ZNF804A: variants seen among roughly 807,000 people sequenced by gnomAD.
ZNF804A encodes zinc finger protein 804A.
ZNF804A carries 2 observed loss-of-function variants against 16.5 expected under a neutral mutation model. The observed-to-expected ratio is 0.12, with a 90% CI of 0.05 to 0.38. ZNF804A has a LOEUF of 0.38. Among genes scored for constraint, ZNF804A ranks in the 10% least tolerant of loss-of-function variants. The probability of loss-of-function intolerance (pLI) is 0.99; values close to 1 mark genes in which losing one functional copy is unlikely to be tolerated. For missense variants in ZNF804A, 1,473 were observed against 1,390.7 expected, an observed-to-expected ratio of 1.06 and a Z score of -0.94; for synonymous variants, 534 against 489.6, an observed-to-expected ratio of 1.09 and a Z score of -1.20.
chr2:184,677,590 A>C (rs1055775425), intron 1 of ZNF804A, among the ~76,000 whole-genome samples: 1 of 152,040 alleles, frequency 6.6e-6, no homozygotes, highest in African/African-American at 2.4e-5. Flanking sequence ...TGACTCATAT[A>C]ATTTATAACA....
intron 1 of ZNF804A, among the ~76,000 whole-genome samples, chr2:184,828,189 C>T (rs1271006878): frequency 1.3e-5 from 2 of 151,522 alleles, no homozygotes; most frequent in African/African-American, 2.4e-5. Flanking sequence ...TTTTATGTTC[C>T]CTTTTCAAAA....
chr2:184,795,850 C>T (rs577566894), intron 1 of ZNF804A, among the ~76,000 whole-genome samples: 1 of 152,270 alleles, frequency 6.6e-6, no homozygotes, highest in East Asian at 1.9e-4. Flanking sequence ...TGGAAAGATA[C>T]AGCCCTCCTA....
chr2:184,716,285 C>G (rs1001535406), intron 1 of ZNF804A, among the ~76,000 whole-genome samples: 4 of 152,010 alleles, frequency 2.6e-5, no homozygotes, highest in African/African-American at 9.7e-5. Context: ...CCAGTACTTT[C>G]ACATTTTTGT....
Position 184,863,654 on chromosome 2 carries a change from G to C in ZNF804A, c.112-2715G>C, listed in dbSNP as rs190786685. Among the ~76,000 whole-genome samples the C allele has an allele frequency of 3.3e-4, 50 of 152,074 alleles. 1 individual carries two copies. The highest frequency in any genetic ancestry group is 1.6e-3 in the Admixed American group (25 of 15,276). On this transcript the variant is annotated intron_variant, in intron 1 of 3. Transcript: ENST00000302277. ...TATAATGAATGGGGAAAATCAACTAGTTTACCATGAAATTTCTGTTGGTTT... is the reference window on the plus strand; with the variant it reads ...TATAATGAATGGGGAAAATCAACTACTTTACCATGAAATTTCTGTTGGTTT...
chr2:184,830,916 G>C (rs909172621), intron 1 of ZNF804A, among the ~76,000 whole-genome samples: 2 of 152,144 alleles, frequency 1.3e-5, no homozygotes, highest in South Asian at 4.1e-4. Flanking sequence ...CAATAAAATA[G>C]AAATTTTCTT....
chr2:184,609,464 A>G (rs1328255117), intron 1 of ZNF804A, among the ~76,000 whole-genome samples: 2 of 152,208 alleles, frequency 1.3e-5, no homozygotes, highest in Non-Finnish European at 2.9e-5. Flanking sequence ...ATTAGCAACA[A>G]TTTAAAAATT....
At chr2:184,918,900 T>C (rs1685491834) in intron 2 of ZNF804A, among the ~76,000 whole-genome samples, 1 of 152,150 alleles carries the variant, frequency 6.6e-6, no homozygotes, top group African/African-American at 2.4e-5. Flanking sequence ...TTTCAACAAA[T>C]AAGGAGAGAA....
chr2:184,625,624 T>C (rs1318456170), intron 1 of ZNF804A, among the ~76,000 whole-genome samples: 1 of 152,128 alleles, frequency 6.6e-6, no homozygotes, highest in African/African-American at 2.4e-5. Flanking sequence ...ATAAATCTTG[T>C]TTGAGGCTAT....
intron 1 of ZNF804A, among the ~76,000 whole-genome samples, chr2:184,769,632 G>C (rs1249107514): frequency 6.6e-6 from 1 of 151,976 alleles, no homozygotes; most frequent in African/African-American, 2.4e-5. Context: ...AGAAAATAAA[G>C]AGACATTAGC....
chr2:184,760,716 A>G (rs1694027092), intron 1 of ZNF804A, among the ~76,000 whole-genome samples: 1 of 152,178 alleles, frequency 6.6e-6, no homozygotes, highest in East Asian at 1.9e-4. Flanking sequence ...CATGCTTGGA[A>G]TAAAGATGAT....
chr2:184,675,900 A>G (rs1029958438), intron 1 of ZNF804A, among the ~76,000 whole-genome samples: 3 of 151,756 alleles, frequency 2.0e-5, no homozygotes, highest in African/African-American at 7.2e-5. Flanking sequence ...TATACATTTT[A>G]ATGTATGTAC....
intron 1 of ZNF804A, among the ~76,000 whole-genome samples, chr2:184,850,259 G>C (rs1330315511): frequency 1.3e-5 from 2 of 151,870 alleles, no homozygotes; most frequent in Non-Finnish European, 2.9e-5. Context: ...ATGAATGCTT[G>C]AGGTGATGGA....
intron 1 of ZNF804A, among the ~76,000 whole-genome samples, chr2:184,753,379 G>A (rs1247078150): frequency 1.3e-5 from 2 of 151,470 alleles, no homozygotes; most frequent in African/African-American, 4.8e-5. Flanking sequence ...AAACAATGCT[G>A]GACGGCATAT....
At chr2:184,856,597 A>G (rs551615750) in intron 1 of ZNF804A, among the ~76,000 whole-genome samples, 1 of 152,256 alleles carries the variant, frequency 6.6e-6, no homozygotes, top group African/African-American at 2.4e-5. Context: ...GTTGCGTATA[A>G]ATTCAGAATC....
chr2:184,809,480 G>T (rs571145493), intron 1 of ZNF804A, among the ~76,000 whole-genome samples: 80 of 151,862 alleles, frequency 5.3e-4, no homozygotes, highest in South Asian at 1.0e-3. Flanking sequence ...TGTGTATTTA[G>T]AAAATTTGTT....
At chr2:184,809,361 G>A (rs1387257932) in intron 1 of ZNF804A, among the ~76,000 whole-genome samples, 2 of 151,808 alleles carry the variant, frequency 1.3e-5, no homozygotes, top group African/African-American at 4.8e-5. Context: ...AAGAAAACAT[G>A]TACTTAATAT....
chr2:184,855,546 A>G (rs1313117490), intron 1 of ZNF804A, among the ~76,000 whole-genome samples: 2 of 151,920 alleles, frequency 1.3e-5, no homozygotes, highest in East Asian at 3.9e-4. Flanking sequence ...GTATTCTTAG[A>G]TCAATGAAGA....
intron 1 of ZNF804A, among the ~76,000 whole-genome samples, chr2:184,854,309 A>C (rs1013572542): frequency 5.3e-5 from 8 of 151,994 alleles, no homozygotes; most frequent in South Asian, 2.1e-4. Context: ...AGGAAAAAAC[A>C]TCCAGCTTCT....
chr2:184,821,273 G>A (rs186593892), intron 1 of ZNF804A, among the ~76,000 whole-genome samples: 57 of 151,972 alleles, frequency 3.8e-4, no homozygotes, highest in Non-Finnish European at 6.8e-4. Flanking sequence ...ACCTACAACC[G>A]TCTGAGCTGT....
Sources: allele counts gnomAD v4.1 joint callset (sites outside exome capture counted in the v4.1 genomes callset), GRCh38; gene constraint gnomAD v4.1.1; transcripts MANE v1.5; gene names NCBI Gene and HGNC (gene_info 2026-07-23, HGNC 2026-07-21).